SEC14L5: variants seen among roughly 807,000 people sequenced by gnomAD.
The protein encoded by SEC14L5 is SEC14-like protein 5.
SEC14L5 carries 96 observed loss-of-function variants against 84.6 expected under a neutral mutation model. The ratio of observed to expected loss-of-function variants is 1.13; its 90% CI spans 0.96 to 1.34. SEC14L5 has a LOEUF of 1.34. SEC14L5 is among the 40% of genes most tolerant of loss of function. The probability of loss-of-function intolerance (pLI) is 0.00; values close to 1 mark genes in which losing one functional copy is unlikely to be tolerated. For synonymous variants in SEC14L5, 546 were observed against 383.4 expected (o/e 1.42, Z -4.95); for missense variants, 1,224 against 942.5 (o/e 1.30, Z -3.91).
At position 4,968,118 on chromosome 16, in the gene SEC14L5, C is replaced by T. The variant is rs1322188182; in HGVS notation, c.63+8732C>T. Among the ~76,000 whole-genome samples, 3 of 151,128 alleles carry T rather than the reference C, an allele frequency of 2.0e-5. No homozygotes were observed. The East Asian group carries it at 5.9e-4, about 30-fold the overall frequency. ...ACTGCAGCCTTGACCTCCTGGAGGT[C>T]AAGTGATTCTCCCACCTCAGCCTTC... is the stretch of plus-strand genomic sequence containing the variant. On this transcript the variant is annotated intron_variant, in intron 2 of 15. Coordinates refer to ENST00000251170, the MANE Select transcript of SEC14L5 (RefSeq NM_014692.2).
At chr16:5,009,344 C>G (rs1039697462) in intron 14 of SEC14L5, among the ~76,000 whole-genome samples, 1 of 152,042 alleles carries the variant, frequency 6.6e-6, no homozygotes, top group Non-Finnish European at 1.5e-5. Context: ...CTCACTCTAT[C>G]CATGATCAGG....
chr16:4,968,549 A>T (rs1955235038), intron 2 of SEC14L5, among the ~76,000 whole-genome samples: 1 of 152,188 alleles, frequency 6.6e-6, no homozygotes, highest in Non-Finnish European at 1.5e-5. Flanking sequence ...CTAGTCCGAA[A>T]TTCCTGGGCT....
chr16:5,001,633 GTGTCCTCTGCAGGAACCCAC>G (rs1336947269), intron 10 of SEC14L5, among the ~76,000 whole-genome samples: 9 of 152,206 alleles, frequency 5.9e-5, no homozygotes, highest in Admixed American at 2.0e-4. Flanking sequence ...CAGGAACCCA[GTGTCCTCTGCAGGAACCCAC>G]TGTCCTCTGA....
chr16:4,995,414 C>G (rs1229161433), intron 6 of SEC14L5, among the ~76,000 whole-genome samples: 1 of 152,132 alleles, frequency 6.6e-6, no homozygotes, highest in African/African-American at 2.4e-5. Context: ...GGTTCCCAGG[C>G]TGCTAAAGAG....
intron 8 of SEC14L5, among the ~76,000 whole-genome samples, chr16:4,998,295 C>G (rs1053014872): frequency 6.6e-6 from 1 of 151,396 alleles, no homozygotes; most frequent in African/African-American, 2.4e-5. Flanking sequence ...GAGTGAGCCA[C>G]TGCACCCAGG....
Position 4,991,985 on chromosome 16 carries a change from CCCCGTAGCACCCTGGGG to C in SEC14L5, c.627_643del (p.Thr211GlyfsTer16). The C allele has an allele frequency of 6.3e-7, 1 of 1,584,518 alleles. No homozygotes were observed. Among genetic ancestry groups the C allele is most frequent in the African/African-American group, 1.3e-5 (1 of 74,664 alleles). The stretch of plus-strand genomic sequence containing the variant: ...CCCCAGCTCCCTGGAGGCCCACGGG[CCCCGTAGCACCCTGGGG>C]CCCGCTCTGGAGGCGGTCAGTATGG... On this transcript the variant is annotated frameshift_variant, in exon 6 of 16. Transcript: ENST00000251170. LOFTEE classifies it high-confidence loss of function.
At chr16:4,985,455 T>C (rs948833650) in intron 2 of SEC14L5, among the ~76,000 whole-genome samples, 2 of 152,182 alleles carry the variant, frequency 1.3e-5, no homozygotes, top group African/African-American at 2.4e-5. Context: ...CTCTAGCTCC[T>C]GACCTTCGGT....
rs1434307478 is a variant in SEC14L5, at chr16:5,018,815, C to G, written c.*3845C>G. 6.6e-6 allele frequency: 1 copy of G among 152,140 alleles called. No homozygotes were observed. The highest frequency in any genetic ancestry group is 1.5e-5 in the Non-Finnish European group (1 of 68,034). The allele number at this position is 152,140 out of a possible 1,614,324, so 9.4% of individuals were successfully genotyped here. ...AGACTCTTTTTTTCTACCCTGCACT[C>G]TCTGGAATTCCCCCTCCCTGCTGTA... On this transcript the variant is annotated 3_prime_UTR_variant, in exon 16 of 16. Coordinates refer to ENST00000251170, the MANE Select transcript of SEC14L5 (RefSeq NM_014692.2).
chr16:5,014,531 G>A (rs2142540081), intron 15 of SEC14L5, among the ~76,000 whole-genome samples: 1 of 152,378 alleles, frequency 6.6e-6, no homozygotes, highest in East Asian at 1.9e-4. Context: ...GAGGACCATG[G>A]AATTTGAGTG....
In SEC14L5 at chr16:5,003,593, C is replaced by T. The variant is rs1955700524; in HGVS notation, c.1302+20C>T. On this transcript the variant is annotated intron_variant, in intron 11 of 15. Coordinates refer to ENST00000251170, the MANE Select transcript of SEC14L5 (RefSeq NM_014692.2). Reference sequence around the variant, plus strand: ...ACACTGGTAAGAGCTGGAGCCTGGGCCAGGACTCTCCCTGGGGGTGGGTGG... The same window carrying T: ...ACACTGGTAAGAGCTGGAGCCTGGGTCAGGACTCTCCCTGGGGGTGGGTGG... The T allele has an allele frequency of 2.6e-6, 3 of 1,153,660 alleles. No homozygotes were observed. The highest frequency in any genetic ancestry group is 3.5e-6 in the Non-Finnish European group (3 of 867,988). The allele number at this position is 1,153,660 out of a possible 1,614,324, so 71.5% of individuals were successfully genotyped here.
At chr16:4,987,506 G>GGA (rs1192068865) in intron 2 of SEC14L5, 51 bp from the exon 3 acceptor site, 2 of 1,451,760 alleles carry the variant, frequency 1.4e-6, no homozygotes, top group Admixed American at 2.3e-5. Flanking sequence ...CTGGGGGGGG[G>GGA]GGTCCCTCTG....
rs542489954 is a variant in SEC14L5, at chr16:4,991,840, G to A, written c.477G>A (p.Gly159=). The change falls in exon 6 of 16, where the codon GGG becomes GGA. Residue 159 remains glycine, a splice_region_variant and synonymous_variant. Coordinates refer to ENST00000251170, the MANE Select transcript of SEC14L5 (RefSeq NM_014692.2). ...TCTTGGGTCTCTCTGGCTTCCAGGG[G>A]AAGGAGGTGATTGAGCATTACCTGA... ...MKQYTANVKR[G]KEVIEHYLNE... 6.2e-7 allele frequency: 1 copy of A among 1,600,686 alleles called. No individual in the cohort carries two copies. The highest frequency in any genetic ancestry group is 2.2e-5 in the East Asian group (1 of 44,480).
At chr16:4,967,740 T>TG (rs1955221913) in intron 2 of SEC14L5, among the ~76,000 whole-genome samples, 2 of 149,738 alleles carry the variant, frequency 1.3e-5, no homozygotes, top group Admixed American at 1.3e-4. Flanking sequence ...GCCTGGCTGA[T>TG]TTTTGTATTT....
Position 5,008,553 on chromosome 16 carries a change from G to T in SEC14L5, c.1705G>T (p.Ala569Ser), listed in dbSNP as rs578053673. 4 of 1,609,116 alleles carry T rather than the reference G, an allele frequency of 2.5e-6. No individual in the cohort carries two copies. The East Asian group carries it at 6.7e-5, about 27-fold the overall frequency. ...GGGCGCCCGGGAACCGGGGACCAGG[G>T]CCAGCGGGCAGCTGATCGACAAAGG... is the stretch of plus-strand genomic sequence containing the variant. Reference protein sequence around the residue: ...RLGAREPGTRASGQLIDKGWV... With the variant: ...RLGAREPGTRSSGQLIDKGWV... The change falls in exon 14 of 16, where the codon GCC becomes TCC. Residue 569 changes from alanine to serine, a missense_variant. Ala to Ser is a moderately conservative substitution (Grantham distance 99). Coordinates refer to ENST00000251170, the MANE Select transcript of SEC14L5 (RefSeq NM_014692.2).
intron 2 of SEC14L5, among the ~76,000 whole-genome samples, chr16:4,971,982 A>C (rs9940799): frequency 0.72 from 109,577 of 151,738 alleles, 39,891 homozygotes; most frequent in Admixed American, 0.75. Context: ...AAACCATGAC[A>C]AATGCTTCTG....
Position 4,997,153 on chromosome 16 carries a change from C to A in SEC14L5, c.970+109C>A, listed in dbSNP as rs181308090. The A allele has an allele frequency of 3.1e-4, 230 of 744,646 alleles. 1 individual carries two copies. In the African/African-American group the frequency reaches 3.8e-3, roughly 12 times the overall value. 46.1% of individuals were successfully genotyped at this position (744,646 alleles called of 1,614,324 possible). On this transcript the variant is annotated intron_variant, in intron 8 of 15. Coordinates refer to ENST00000251170, the MANE Select transcript of SEC14L5 (RefSeq NM_014692.2). ...TCACTCTGTCACCCAGGCTGGAGTG[C>A]AGTGGTGCCATCTCGGCTCACCATA...
chr16:5,002,701 G>A (rs140654220), intron 10 of SEC14L5, among the ~76,000 whole-genome samples: 103 of 152,218 alleles, frequency 6.8e-4, no homozygotes, highest in African/African-American at 2.0e-3. Context: ...GGCACCAGCC[G>A]CTGCAGTCAA....
chr16:4,998,677 G>T (rs1220121278), intron 8 of SEC14L5, among the ~76,000 whole-genome samples: 1 of 132,064 alleles, frequency 7.6e-6, no homozygotes, highest in Non-Finnish European at 1.5e-5. Flanking sequence ...GGCGGAGCTT[G>T]CAGTGAGCCG....
At chr16:5,004,694 T>G (rs1955712317) in intron 11 of SEC14L5, among the ~76,000 whole-genome samples, 1 of 152,116 alleles carries the variant, frequency 6.6e-6, no homozygotes, top group African/African-American at 2.4e-5. Flanking sequence ...GGATTGCAGT[T>G]TCCTCACCTA....
Sources: allele counts gnomAD v4.1 joint callset (sites outside exome capture counted in the v4.1 genomes callset), GRCh38; gene constraint gnomAD v4.1.1; transcripts MANE v1.5; gene names NCBI Gene and HGNC (gene_info 2026-07-23, HGNC 2026-07-21).